The following GRAP2 variants were observed in gnomAD, a reference collection of about 807,000 sequenced individuals.
The protein encoded by GRAP2 is GRB2-related adapter protein 2.
GRAP2 carries 31 observed loss-of-function variants against 43.5 expected under a neutral mutation model. The ratio of observed to expected loss-of-function variants is 0.71; its 90% CI spans 0.54 to 0.96. GRAP2 has a LOEUF of 0.96. GRAP2 is among the 40% of genes least tolerant of loss of function. The probability of loss-of-function intolerance (pLI) is 0.00; values close to 1 mark genes in which losing one functional copy is unlikely to be tolerated. For synonymous variants in GRAP2, 156 were observed against 164.8 expected, an observed-to-expected ratio of 0.95 and a Z score of 0.41; for missense variants, 371 against 424.4, an observed-to-expected ratio of 0.87 and a Z score of 1.11.
intron 1 of GRAP2, among the ~76,000 whole-genome samples, chr22:39,929,233 C>G (rs2066733417): frequency 6.6e-6 from 1 of 151,964 alleles, no homozygotes; most frequent in Non-Finnish European, 1.5e-5. Flanking sequence ...CAGGGGACCT[C>G]TGTACTATTT....
chr22:39,940,568 A>G (rs1569204596), intron 1 of GRAP2, among the ~76,000 whole-genome samples: 1 of 152,070 alleles, frequency 6.6e-6, no homozygotes, highest in Non-Finnish European at 1.5e-5. Context: ...CCAATGCCCA[A>G]TAAGAGGTAA....
intron 1 of GRAP2, among the ~76,000 whole-genome samples, chr22:39,910,567 C>A (rs1285680221): frequency 6.6e-6 from 1 of 151,962 alleles, no homozygotes; most frequent in Non-Finnish European, 1.5e-5. Flanking sequence ...CGCCACCACG[C>A]CCGGCTAATT....
At chr22:39,904,690 G>T (rs2066512464) in intron 1 of GRAP2, among the ~76,000 whole-genome samples, 1 of 152,132 alleles carries the variant, frequency 6.6e-6, no homozygotes, top group Non-Finnish European at 1.5e-5. Flanking sequence ...CTGATAGCTA[G>T]TGCAGATTTA....
intron 1 of GRAP2, among the ~76,000 whole-genome samples, chr22:39,908,125 G>A: frequency 6.6e-6 from 1 of 152,330 alleles, no homozygotes; most frequent in African/African-American, 2.4e-5. Context: ...TGTGTTCTCT[G>A]AAGCCCTTTG....
intron 1 of GRAP2, among the ~76,000 whole-genome samples, chr22:39,946,014 C>T (rs1275016521): frequency 6.6e-5 from 10 of 152,258 alleles, no homozygotes; most frequent in Admixed American, 1.3e-4. Context: ...GCACGTGCCA[C>T]GGCACCCAGC....
At chr22:39,968,491 A>ACACACACACACTTAAACT in intron 6 of GRAP2, 1 of 570,500 alleles carries the variant, frequency 1.8e-6, no homozygotes, top group Non-Finnish European at 3.1e-6. Context: ...TGTCTCACAC[A>ACACACACACACTTAAACT]CACACACACA....
At chr22:39,969,134 G>C (rs1430858393) in intron 6 of GRAP2, among the ~76,000 whole-genome samples, 7 of 152,180 alleles carry the variant, frequency 4.6e-5, no homozygotes, top group Admixed American at 3.9e-4. Flanking sequence ...TCTCTTTCCA[G>C]CTATATTTCC....
chr22:39,941,528 C>T (rs531870612), intron 1 of GRAP2, among the ~76,000 whole-genome samples: 88 of 152,300 alleles, frequency 5.8e-4, no homozygotes, highest in African/African-American at 2.0e-3. Context: ...GGGCCAAATT[C>T]AGCCCATCAT....
intron 5 of GRAP2, among the ~76,000 whole-genome samples, chr22:39,966,996 TCACA>T (rs10552410): frequency 9.8e-4 from 148 of 150,798 alleles, no homozygotes; most frequent in African/African-American, 3.3e-3. Flanking sequence ...ATGCACACAC[TCACA>T]CACACACACA....
chr22:39,969,295 A>G, intron 6 of GRAP2, 116 bp from the exon 7 acceptor site: 1 of 1,155,892 alleles, frequency 8.7e-7, no homozygotes, highest in Non-Finnish European at 1.3e-6. Context: ...TGTCATTATC[A>G]GTAAGTATTC....
At chr22:39,956,314 C>T (rs1764135262) in intron 3 of GRAP2, among the ~76,000 whole-genome samples, 3 of 151,738 alleles carry the variant, frequency 2.0e-5, no homozygotes, top group Admixed American at 6.6e-5. Flanking sequence ...CATGCCACCA[C>T]GCCAGGCTAG....
the GRAP2 span, among the ~76,000 whole-genome samples, chr22:39,895,875 C>T: frequency 6.6e-6 from 1 of 152,102 alleles, no homozygotes; most frequent in Admixed American, 6.5e-5. Flanking sequence ...GGGAAGGCTT[C>T]CTGGAGGAGG....
chr22:39,940,737 G>A (rs2066859840), intron 1 of GRAP2, among the ~76,000 whole-genome samples: 1 of 152,254 alleles, frequency 6.6e-6, no homozygotes, highest in Non-Finnish European at 1.5e-5. Flanking sequence ...GGCTGCTCAG[G>A]AGGAATTTAA....
intron 1 of GRAP2, among the ~76,000 whole-genome samples, chr22:39,943,556 G>A (rs901011442): frequency 3.9e-5 from 6 of 152,006 alleles, no homozygotes; most frequent in African/African-American, 1.5e-4. Context: ...CGGGGTGGGG[G>A]TTGGGGGCTG....
chr22:39,904,875 G>A (rs2066513422), intron 1 of GRAP2, among the ~76,000 whole-genome samples: 1 of 152,194 alleles, frequency 6.6e-6, no homozygotes, highest in Non-Finnish European at 1.5e-5. Context: ...TGAATTCGTT[G>A]TTGCCTCATG....
At chr22:39,895,203 G>T in the GRAP2 span, among the ~76,000 whole-genome samples, 1 of 152,104 alleles carries the variant, frequency 6.6e-6, no homozygotes, top group Non-Finnish European at 1.5e-5. Context: ...GTGTTTTAAT[G>T]GAATATTGAC....
At chr22:39,948,458 G>A (rs963697858) in intron 2 of GRAP2, 4 of 150,320 alleles carry the variant, frequency 2.7e-5, no homozygotes, top group African/African-American at 9.8e-5. Flanking sequence ...TTCCACCCTC[G>A]TCTTCCATTA....
intron 1 of GRAP2, among the ~76,000 whole-genome samples, chr22:39,920,312 A>G (rs1569195759): frequency 3.3e-5 from 5 of 152,194 alleles, no homozygotes; most frequent in Non-Finnish European, 5.9e-5. Flanking sequence ...GGCACTATCA[A>G]GAAAATGTTC....
intron 1 of GRAP2, among the ~76,000 whole-genome samples, chr22:39,928,906 C>T (rs530385423): frequency 2.9e-4 from 44 of 152,306 alleles, no homozygotes; most frequent in Non-Finnish European, 5.7e-4. Flanking sequence ...AACCACATAA[C>T]GTTGGTGCAA....
Sources: gnomAD v4.1 joint callset for allele counts (sites outside exome capture counted in the v4.1 genomes callset) on GRCh38, gnomAD v4.1.1 for gene constraint, MANE v1.5 for transcripts, NCBI Gene and HGNC (gene_info 2026-07-23, HGNC 2026-07-21) for gene names.